Variants in FGF14 observed in about 807,000 individuals in gnomAD.
The protein encoded by FGF14 is fibroblast growth factor 14.
FGF14 carries 5 observed loss-of-function variants against 25.5 expected under a neutral mutation model. That is an observed-to-expected ratio of 0.20 (90% CI 0.10 to 0.41). The LOEUF (loss-of-function observed/expected upper bound fraction) is 0.41, where lower values mean the gene tolerates loss of function less well. FGF14 is among the 10% of genes least tolerant of loss of function. The probability of loss-of-function intolerance (pLI) is 1.00; values close to 1 mark genes in which losing one functional copy is unlikely to be tolerated. For synonymous variants in FGF14, 138 were observed against 118.3 expected, an observed-to-expected ratio of 1.17 and a Z score of -1.08; for missense variants, 222 against 320.1, an observed-to-expected ratio of 0.69 and a Z score of 2.34.
At position 102,400,922 on chromosome 13, in the gene FGF14, C is replaced by T. The variant is rs1161402866; in HGVS notation, c.208+549G>A. On this transcript the variant is annotated intron_variant, in intron 1 of 4. Transcript: ENST00000376131. The surrounding 1 kb of genome is among the most constrained non-coding windows in gnomAD (Gnocchi z 4.3). ...GGGGAATGAGTTAATGCTCGGGCAC[C>T]CGGAGCTGGACGGGGGAGGGACGCG... Among the ~76,000 whole-genome samples the T allele has an allele frequency of 1.3e-5, 2 of 151,998 alleles. No homozygotes were observed. The highest frequency in any genetic ancestry group is 2.9e-5 in the Non-Finnish European group (2 of 67,998).
chr13:102,256,406 G>A (rs2052441482), intron 1 of FGF14, among the ~76,000 whole-genome samples: 1 of 152,136 alleles, frequency 6.6e-6, no homozygotes, highest in South Asian at 2.1e-4. Flanking sequence ...GGTGAGGTGG[G>A]AAGATCACTT....
chr13:101,728,951 T>G (rs1836845), intron 3 of FGF14, among the ~76,000 whole-genome samples: 55,108 of 151,818 alleles, frequency 0.36, 10,346 homozygotes, highest in East Asian at 0.51. Flanking sequence ...AACTTAGGGA[T>G]GTATTGTCTC....
At chr13:102,077,079 CAGA>C (rs1310426885) in intron 1 of FGF14, among the ~76,000 whole-genome samples, 2 of 152,090 alleles carry the variant, frequency 1.3e-5, no homozygotes, top group Non-Finnish European at 2.9e-5. Context: ...TATCCACATG[CAGA>C]AGGATAAAAT....
intron 1 of FGF14, among the ~76,000 whole-genome samples, chr13:101,991,808 G>A (rs1405151306): frequency 3.9e-5 from 6 of 152,160 alleles, no homozygotes; most frequent in South Asian, 4.2e-4. Context: ...GGCTAGTCTC[G>A]GCAAGAAGCC....
intron 3 of FGF14, among the ~76,000 whole-genome samples, chr13:101,782,987 C>T (rs990495279): frequency 6.6e-6 from 1 of 152,176 alleles, no homozygotes; most frequent in Admixed American, 6.5e-5. Context: ...AATTTACACT[C>T]CCACCAACAG....
chr13:102,248,057 A>C (rs1185444901), intron 1 of FGF14, among the ~76,000 whole-genome samples: 1 of 152,058 alleles, frequency 6.6e-6, no homozygotes, highest in Non-Finnish European at 1.5e-5. Context: ...CATGAACACA[A>C]AGAGAAACAA....
At chr13:102,217,194 G>A (rs2050411085) in intron 1 of FGF14, among the ~76,000 whole-genome samples, 1 of 152,066 alleles carries the variant, frequency 6.6e-6, no homozygotes, top group African/African-American at 2.4e-5. Context: ...TTAATACAAT[G>A]GCAATTTAAA....
intron 1 of FGF14, among the ~76,000 whole-genome samples, chr13:102,313,817 G>A (rs1056010066): frequency 6.6e-6 from 1 of 152,140 alleles, no homozygotes. Flanking sequence ...TTCTTCAACA[G>A]TCCAAATGGA....
chr13:101,803,511 C>A (rs565569335), intron 3 of FGF14, among the ~76,000 whole-genome samples: 1 of 151,966 alleles, frequency 6.6e-6, no homozygotes, highest in Admixed American at 6.6e-5. Context: ...AGTTCAAGAA[C>A]CTCTGTGCTT....
At chr13:101,916,313 C>T (rs1594716631) in intron 1 of FGF14, 140 bp downstream of exon 1, 4 of 1,025,324 alleles carry the variant, frequency 3.9e-6, no homozygotes, top group Non-Finnish European at 6.0e-6. Flanking sequence ...GTCCCCGCGA[C>T]GGCACCCAGA....
chr13:102,087,839 C>A (rs2043995455), intron 1 of FGF14, among the ~76,000 whole-genome samples: 1 of 148,474 alleles, frequency 6.7e-6, no homozygotes, highest in Non-Finnish European at 1.5e-5. Context: ...TCAGATAATA[C>A]ACTTTTTACA....
intron 1 of FGF14, among the ~76,000 whole-genome samples, chr13:102,005,964 G>C (rs970488272): frequency 2.0e-5 from 3 of 152,128 alleles, no homozygotes; most frequent in African/African-American, 7.2e-5. Flanking sequence ...TATTGTACTT[G>C]TAATAAATAC....
intron 1 of FGF14, among the ~76,000 whole-genome samples, chr13:102,387,708 GT>G (rs60729587): frequency 1.7e-4 from 25 of 148,296 alleles, no homozygotes; most frequent in Admixed American, 5.4e-4. Flanking sequence ...CCACTAGGCA[GT>G]TTTTTTTTTG....
At chr13:102,270,909 C>T (rs564504833) in intron 1 of FGF14, among the ~76,000 whole-genome samples, 1 of 152,140 alleles carries the variant, frequency 6.6e-6, no homozygotes, top group Non-Finnish European at 1.5e-5. Context: ...TGATTTAATG[C>T]AAGTATCATT....
chr13:102,081,053 A>C (rs1225601746), intron 1 of FGF14, among the ~76,000 whole-genome samples: 2 of 152,262 alleles, frequency 1.3e-5, no homozygotes, highest in Admixed American at 1.3e-4. Context: ...AAGGACAATT[A>C]GAAACATTTT....
intron 1 of FGF14, among the ~76,000 whole-genome samples, chr13:102,130,271 T>C (rs534238249): frequency 2.6e-5 from 4 of 152,260 alleles, no homozygotes; most frequent in African/African-American, 9.6e-5. Context: ...CACTGATCAA[T>C]AGTCAAGGCA....
At chr13:102,130,449 C>A (rs1166618592) in intron 1 of FGF14, among the ~76,000 whole-genome samples, 1 of 152,168 alleles carries the variant, frequency 6.6e-6, no homozygotes, top group Non-Finnish European at 1.5e-5. Context: ...TTCTGCCTCC[C>A]TTCTCCAATT....
chr13:101,930,404 T>C (rs980658723), intron 1 of FGF14, among the ~76,000 whole-genome samples: 2 of 152,196 alleles, frequency 1.3e-5, no homozygotes, highest in African/African-American at 4.8e-5. Context: ...ACATACTTCA[T>C]TGTATTTATA....
chr13:101,981,696 G>A (rs374697006), intron 1 of FGF14, among the ~76,000 whole-genome samples: 8 of 152,120 alleles, frequency 5.3e-5, no homozygotes, highest in African/African-American at 1.9e-4. Flanking sequence ...TACTAGGGTG[G>A]GAAGAAGGAA....
Sources: gnomAD v4.1 joint callset for allele counts (sites outside exome capture counted in the v4.1 genomes callset) on GRCh38, gnomAD v4.1.1 for gene constraint, Gnocchi (gnomAD v3.1) non-coding constraint, MANE v1.5 for transcripts, NCBI Gene and HGNC (gene_info 2026-07-23, HGNC 2026-07-21) for gene names.